The following ACSM3 variants were observed in gnomAD, a reference collection of about 807,000 sequenced individuals.
The protein encoded by ACSM3 is acyl-CoA synthetase medium chain family member 3.
ACSM3 carries 61 observed loss-of-function variants against 74.1 expected under a neutral mutation model. That is an observed-to-expected ratio of 0.82 (90% CI 0.67 to 1.02). ACSM3 has a LOEUF of 1.02. Ranked by LOEUF, ACSM3 falls within the 50% of genes least tolerant of loss-of-function variation. The probability of loss-of-function intolerance (pLI) is 0.00; values close to 1 mark genes in which losing one functional copy is unlikely to be tolerated. For synonymous variants in ACSM3, 213 were observed against 241.5 expected, an observed-to-expected ratio of 0.88 and a Z score of 1.09; for missense variants, 660 against 697.0, an observed-to-expected ratio of 0.95 and a Z score of 0.60.
chr16:20,780,321 T>A (rs2080325396), intron 4 of ACSM3: 2 of 326,226 alleles, frequency 6.1e-6, no homozygotes, highest in East Asian at 6.9e-5. Flanking sequence ...TACTCATTTT[T>A]AAAAAATCAC....
intron 1 of ACSM3, among the ~76,000 whole-genome samples, chr16:20,710,301 T>A (rs1039857693): frequency 1.3e-5 from 2 of 152,136 alleles, no homozygotes; most frequent in South Asian, 4.1e-4. Flanking sequence ...CCTTCCAGGG[T>A]TGCTTAAAAC....
At chr16:20,777,253 T>A in intron 3 of ACSM3, 120 bp from the exon 4 acceptor site, 7 of 926,406 alleles carry the variant, frequency 7.6e-6, no homozygotes, top group Non-Finnish European at 1.1e-5. Context: ...ATAGATATCT[T>A]CCTGGTAAAC....
At chr16:20,737,737 T>C in intron 1 of ACSM3, 1 of 1,613,458 alleles carries the variant, frequency 6.2e-7, no homozygotes, top group Non-Finnish European at 8.5e-7. Flanking sequence ...TTCTTCTCTA[T>C]TCACATGACT....
rs1318276397 is a variant in ACSM3 at position 20,792,105 on chromosome 16, C to T, written c.1430C>T (p.Ala477Val). The change falls in exon 11 of 14, where the codon GCA (alanine) becomes GTA (valine). Residue 477 changes from alanine to valine, a missense_variant. Physicochemically the swap from Ala to Val is moderately conservative, Grantham distance 64. Coordinates refer to ENST00000289416, the MANE Select transcript of ACSM3 (RefSeq NM_005622.4). Reference sequence around the variant, plus strand: ...GGGTATTTCTGGTTTGTTGCAAGAGCAGATGATGTCATATTATCCTCTGGG... The same window carrying T: ...GGGTATTTCTGGTTTGTTGCAAGAGTAGATGATGTCATATTATCCTCTGGG... ...KDGYFWFVAR[A>V]DDVILSSGYR... 1 of 1,613,996 alleles carries T rather than the reference C, an allele frequency of 6.2e-7. No homozygotes were observed. The highest frequency in any genetic ancestry group is 8.5e-7 in the Non-Finnish European group (1 of 1,180,008).
chr16:20,711,079 C>T (rs2152376964), intron 1 of ACSM3, among the ~76,000 whole-genome samples: 1 of 151,958 alleles, frequency 6.6e-6, no homozygotes, highest in Non-Finnish European at 1.5e-5. Context: ...GACTAAGACT[C>T]CCAGACTCTG....
chr16:20,741,584 C>T, intron 1 of ACSM3: 1 of 1,575,522 alleles, frequency 6.3e-7, no homozygotes, highest in East Asian at 2.4e-5. Flanking sequence ...TGCGCTCGTT[C>T]ATATTGCAGG....
chr16:20,686,555 T>A (rs2079557524), intron 1 of ACSM3, among the ~76,000 whole-genome samples: 1 of 152,158 alleles, frequency 6.6e-6, no homozygotes, highest in Non-Finnish European at 1.5e-5. Flanking sequence ...AGTTGATAGG[T>A]GCAGAAAACC....
At chr16:20,753,987 T>C (rs35506109) in intron 2 of ACSM3, among the ~76,000 whole-genome samples, 10,614 of 152,110 alleles carry the variant, frequency 0.07, 513 homozygotes, top group East Asian at 0.21. Context: ...AGTAATATCC[T>C]GGAGTAAGGG....
chr16:20,750,797 C>A (rs1161639127), intron 2 of ACSM3, among the ~76,000 whole-genome samples: 1 of 150,790 alleles, frequency 6.6e-6, no homozygotes, highest in Non-Finnish European at 1.5e-5. Context: ...ATTAAGAGAG[C>A]AAGAGGCCTC....
chr16:20,769,186 A>C (rs1286900368), intron 1 of ACSM3, among the ~76,000 whole-genome samples: 1 of 152,230 alleles, frequency 6.6e-6, no homozygotes, highest in East Asian at 1.9e-4. Context: ...AATTTGGAAA[A>C]TTACAGGAAG....
intron 1 of ACSM3, chr16:20,738,368 C>T (rs2079889459): frequency 5.3e-6 from 2 of 379,240 alleles, no homozygotes; most frequent in African/African-American, 2.1e-5. Context: ...AATCCATTAG[C>T]TAAGTTAGCA....
intron 3 of ACSM3, among the ~76,000 whole-genome samples, 182 bp downstream of exon 3, chr16:20,776,231 A>G (rs1207130639): frequency 6.6e-6 from 1 of 152,232 alleles, no homozygotes; most frequent in African/African-American, 2.4e-5. Flanking sequence ...AACATCTTTA[A>G]AAGATAATCT....
In ACSM3 at chr16:20,739,995, T is replaced by A. The variant is rs180921961; in HGVS notation, c.-189-9915T>A. 3.8e-3 allele frequency among the ~76,000 whole-genome samples: 583 copies of A among 152,334 alleles called. 2 individuals are homozygous for A. Among genetic ancestry groups the A allele is most frequent in the African/African-American group, 0.014 (565 of 41,568 alleles). The stretch of plus-strand genomic sequence containing the variant: ...TTAACACGTTGACCAGGTATCTGTG[T>A]GCCTCACACGACACTGTCCTTTTGG... On this transcript the variant is annotated intron_variant, in intron 1 of 3. Coordinates refer to the ACSM3 transcript ENST00000561584.
chr16:20,720,115 C>G (rs952441238), intron 1 of ACSM3, among the ~76,000 whole-genome samples: 3 of 152,130 alleles, frequency 2.0e-5, no homozygotes, highest in African/African-American at 7.2e-5. Flanking sequence ...GCCTTTTTGG[C>G]GCTAGGGACT....
intron 1 of ACSM3, among the ~76,000 whole-genome samples, chr16:20,743,236 CCGTATTTTGT>C (rs2079943669): frequency 2.0e-5 from 3 of 152,120 alleles, no homozygotes; most frequent in Non-Finnish European, 2.9e-5. Context: ...CCGCGCCTGG[CCGTATTTTGT>C]CTTGTTTTTT....
intron 1 of ACSM3, chr16:20,736,189 T>C (rs1159230175): frequency 1.3e-5 from 2 of 152,162 alleles, no homozygotes; most frequent in Non-Finnish European, 2.9e-5. Context: ...GCTTTCTTTA[T>C]TAAGACAGAA....
exon 2 of ACSM3, chr16:20,749,987 T>G (rs2079977479): frequency 1.3e-5 from 2 of 152,234 alleles, no homozygotes; most frequent in Non-Finnish European, 2.9e-5. Flanking sequence ...AAGCCTATGC[T>G]GGGGAGAGGC....
At chr16:20,696,554 C>T (rs1019724976) in intron 1 of ACSM3, among the ~76,000 whole-genome samples, 25 of 152,188 alleles carry the variant, frequency 1.6e-4, no homozygotes, top group Admixed American at 1.3e-4. Flanking sequence ...GTACCATGTA[C>T]AGTTTTAGAT....
chr16:20,789,689 T>G, intron 9 of ACSM3: 1 of 587,260 alleles, frequency 1.7e-6, no homozygotes, highest in Non-Finnish European at 2.9e-6. Flanking sequence ...TTTTTCTTTT[T>G]TTTTTTTTTT....
Sources: gnomAD v4.1 joint callset for allele counts (sites outside exome capture counted in the v4.1 genomes callset) on GRCh38, gnomAD v4.1.1 for gene constraint, MANE v1.5 for transcripts, NCBI Gene and HGNC (gene_info 2026-07-23, HGNC 2026-07-21) for gene names.